The following ANTXR1 variants were observed in gnomAD, a reference collection of about 807,000 sequenced individuals.
The protein encoded by ANTXR1 is anthrax toxin receptor 1.
Under a neutral mutation model 78.1 loss-of-function variants are expected in ANTXR1, and 19 were observed. That is an observed-to-expected ratio of 0.24 (90% CI 0.17 to 0.36). The LOEUF is 0.36. Ranked by LOEUF, ANTXR1 falls within the 10% of genes least tolerant of loss-of-function variation. The pLI, the probability that ANTXR1 is intolerant of heterozygous loss-of-function variation, is 1.00. For missense variants in ANTXR1, 518 were observed against 718.6 expected, an observed-to-expected ratio of 0.72 and a Z score of 3.19; for synonymous variants, 273 against 260.5, an observed-to-expected ratio of 1.05 and a Z score of -0.46.
At chr2:69,085,960 A>G (rs1671036175) in intron 8 of ANTXR1, among the ~76,000 whole-genome samples, 1 of 152,224 alleles carries the variant, frequency 6.6e-6, no homozygotes, top group Non-Finnish European at 1.5e-5. Context: ...GCATACTTCA[A>G]ACCCCATACA....
At chr2:69,116,867 CTGAT>C (rs1171852593) in intron 10 of ANTXR1, among the ~76,000 whole-genome samples, 4 of 152,178 alleles carry the variant, frequency 2.6e-5, no homozygotes, top group Non-Finnish European at 5.9e-5. Context: ...AGGATTTTCT[CTGAT>C]TGGTGTTTGA....
rs1671411725 is a variant in ANTXR1, at chr2:69,096,309, G to GAAATC, written c.703+5392_703+5393insATCAA. Among the ~76,000 whole-genome samples, 2 of 4,630 alleles carry GAAATC rather than the reference G, an allele frequency of 4.3e-4. 1 individual carries two copies. The highest frequency in any genetic ancestry group is 0.026 in the East Asian group (2 of 76). 3.0% of individuals were successfully genotyped at this position (4,630 alleles called of 152,430 possible). A position where few individuals can be genotyped will look rare whatever the true frequency, so the allele number is the denominator to read the frequency against. ...GGAAGGGAGGAAGGGAGGAAGGGAGGAAGGGAGGAAGGGAGGAAGGGAGGA... is the reference window on the plus strand; with the variant it reads ...GGAAGGGAGGAAGGGAGGAAGGGAGGAAATCAAGGGAGGAAGGGAGGAAGGGAGGA... On this transcript the variant is annotated intron_variant, in intron 9 of 17. Coordinates refer to ENST00000303714, the MANE Select transcript of ANTXR1 (RefSeq NM_032208.3).
intron 13 of ANTXR1, among the ~76,000 whole-genome samples, chr2:69,167,078 A>G (rs1312810639): frequency 6.6e-6 from 1 of 152,170 alleles, no homozygotes; most frequent in Non-Finnish European, 1.5e-5. Context: ...TGGGCAGAAG[A>G]TACTGCACTT....
At chr2:69,215,006 G>T (rs1383120947) in intron 17 of ANTXR1, among the ~76,000 whole-genome samples, 4 of 152,142 alleles carry the variant, frequency 2.6e-5, no homozygotes, top group Admixed American at 6.5e-5. Context: ...ACTCTGCTCT[G>T]CACTTCCTCT....
chr2:69,038,147 C>T (rs1250370651), intron 1 of ANTXR1, among the ~76,000 whole-genome samples: 2 of 152,188 alleles, frequency 1.3e-5, no homozygotes, highest in Admixed American at 1.3e-4. Flanking sequence ...AATGCACAGT[C>T]CTCAACTACA....
intron 9 of ANTXR1, among the ~76,000 whole-genome samples, chr2:69,102,083 T>C (rs1671639268): frequency 2.0e-5 from 3 of 152,244 alleles, no homozygotes; most frequent in Admixed American, 2.0e-4. Flanking sequence ...AAATGAGTAC[T>C]ACACTGAGGG....
rs555982052 is a variant in ANTXR1 at position 69,014,653 on chromosome 2, T to A, written c.152+1002T>A. ...AAAGCCCCTCACAGAAGATCCGTGC[T>A]CATTAAAACTGAGTGAGCTCTCCAG... On this transcript the variant is annotated intron_variant, in intron 1 of 17. Coordinates refer to ENST00000303714, the MANE Select transcript of ANTXR1 (RefSeq NM_032208.3). 1.2e-4 allele frequency among the ~76,000 whole-genome samples: 18 copies of A among 152,268 alleles called. No homozygotes were observed. In the South Asian group the frequency reaches 3.7e-3, roughly 32 times the overall value.
At chr2:69,123,182 C>T in intron 11 of ANTXR1, 96 bp downstream of exon 11, 1 of 1,298,712 alleles carries the variant, frequency 7.7e-7, no homozygotes, top group Admixed American at 1.7e-5. Context: ...GAAAGTGGAG[C>T]CTTTCTCTAG....
intron 13 of ANTXR1, among the ~76,000 whole-genome samples, chr2:69,167,315 C>T (rs916058881): frequency 3.9e-5 from 6 of 152,230 alleles, no homozygotes; most frequent in African/African-American, 1.2e-4. Context: ...TTTAAGGCTA[C>T]TCTGTGTGTG....
chr2:69,202,540 G>A lies in ANTXR1; in HGVS notation c.1434+9125G>A, dbSNP rs542985539. 2.6e-5 allele frequency among the ~76,000 whole-genome samples: 4 copies of A among 152,332 alleles called. No individual in the cohort carries two copies. The South Asian group carries it at 8.3e-4, about 32-fold the overall frequency. On this transcript the variant is annotated intron_variant, in intron 17 of 17. Transcript: ENST00000303714. ...AGCGTGATTAAGTGCGTGTGGCAGA[G>A]ATCCAGTAGAGGAAGGGGTTGAAGA... is the stretch of plus-strand genomic sequence containing the variant.
intron 13 of ANTXR1, among the ~76,000 whole-genome samples, chr2:69,162,553 T>C (rs985623697): frequency 6.6e-6 from 1 of 152,144 alleles, no homozygotes; most frequent in Non-Finnish European, 1.5e-5. Flanking sequence ...AGAATTTCCA[T>C]AGGTAAATGC....
chr2:69,109,811 T>C (rs1671922777), intron 10 of ANTXR1, among the ~76,000 whole-genome samples: 1 of 152,162 alleles, frequency 6.6e-6, no homozygotes. Flanking sequence ...TGAAGGAGCA[T>C]ACCATGAAAG....
intron 14 of ANTXR1, among the ~76,000 whole-genome samples, chr2:69,173,392 T>A (rs991361730): frequency 6.6e-6 from 1 of 152,354 alleles, no homozygotes; most frequent in East Asian, 1.9e-4. Flanking sequence ...GGGAAAATAC[T>A]TGGTCCAGCT....
In ANTXR1 at chr2:69,040,460, A is replaced by G. The variant is rs78035687; in HGVS notation, c.224+345A>G. 1.1e-3 allele frequency among the ~76,000 whole-genome samples: 169 copies of G among 152,324 alleles called. 2 individuals carry two copies. Among genetic ancestry groups the G allele is most frequent in the Non-Finnish European group, 2.1e-3 (146 of 68,032 alleles). On this transcript the variant is annotated intron_variant, in intron 2 of 17. Coordinates refer to ENST00000303714, the MANE Select transcript of ANTXR1 (RefSeq NM_032208.3). ...GCACATTTTAGCTGGACTCACGTGTAGGGTGTACAGTGTGTAGGATGAACA... is the reference window on the plus strand; with the variant it reads ...GCACATTTTAGCTGGACTCACGTGTGGGGTGTACAGTGTGTAGGATGAACA...
rs544511401 is a variant in ANTXR1 at position 69,136,520 on chromosome 2, C to T, written c.951+11877C>T. 2.0e-5 allele frequency among the ~76,000 whole-genome samples: 3 copies of T among 152,314 alleles called. No homozygotes were observed. In the South Asian group the frequency reaches 6.2e-4, roughly 32 times the overall value. On this transcript the variant is annotated intron_variant, in intron 12 of 17. Coordinates refer to ENST00000303714, the MANE Select transcript of ANTXR1 (RefSeq NM_032208.3). Reference sequence around the variant, plus strand: ...ATCTCATGTTTTGAAATTTCAAACACACACCCAAAGCATTTGTGAGTCAAA... The same window carrying T: ...ATCTCATGTTTTGAAATTTCAAACATACACCCAAAGCATTTGTGAGTCAAA...
intron 16 of ANTXR1, among the ~76,000 whole-genome samples, chr2:69,189,281 G>C (rs1415781989): frequency 1.2e-4 from 19 of 152,212 alleles, no homozygotes; most frequent in Admixed American, 1.2e-3. Context: ...GATCAAGCAT[G>C]CCCTGCAAGT....
intron 3 of ANTXR1, among the ~76,000 whole-genome samples, chr2:69,062,047 A>G (rs546764228): frequency 6.6e-6 from 1 of 152,322 alleles, no homozygotes; most frequent in East Asian, 1.9e-4. Context: ...ATAATAGCTA[A>G]GCAGAGAAGG....
chr2:69,124,652 T>A lies in ANTXR1; in HGVS notation c.951+9T>A. On this transcript the variant is annotated intron_variant, in intron 12 of 17. Coordinates refer to ENST00000303714, the MANE Select transcript of ANTXR1 (RefSeq NM_032208.3). ...TCACCACCACACACTGTGTAAGTCA[T>A]AACCTTTCCCTTTACTAAAGATCTC... The A allele has an allele frequency of 6.2e-7, 1 of 1,613,734 alleles. No homozygotes were observed. Among genetic ancestry groups the A allele is most frequent in the African/African-American group, 1.3e-5 (1 of 75,048 alleles).
In ANTXR1 at chr2:69,102,861, G is replaced by C; in HGVS notation, c.723G>C (p.Val241=). 6.2e-7 allele frequency: 1 copy of C among 1,614,148 alleles called. No homozygotes were observed. The highest frequency in any genetic ancestry group is 8.5e-7 in the Non-Finnish European group (1 of 1,180,026). The part of the protein sequence containing the change: ...ICAGESFQVV[V]RGNGFRHARN... ...TTTCAGAGTCATTTCAAGTTGTCGT[G>C]AGAGGAAACGGCTTCCGACATGCCC... Residue 241 remains valine (V), a synonymous_variant, in exon 10 of 18, where the codon GTG becomes GTC. Coordinates refer to ENST00000303714, the MANE Select transcript of ANTXR1 (RefSeq NM_032208.3).
Sources: gnomAD v4.1 joint callset for allele counts (sites outside exome capture counted in the v4.1 genomes callset) on GRCh38, gnomAD v4.1.1 for gene constraint, MANE v1.5 for transcripts, NCBI Gene and HGNC (gene_info 2026-07-23, HGNC 2026-07-21) for gene names.